UBE2E2: variants seen among roughly 807,000 people sequenced by gnomAD.
The protein encoded by UBE2E2 is ubiquitin-conjugating enzyme E2 E2.
Under a neutral mutation model 24.7 loss-of-function variants are expected in UBE2E2, and 6 were observed. The observed-to-expected ratio is 0.24, with a 90% CI of 0.13 to 0.48. UBE2E2 has a LOEUF of 0.48. UBE2E2 is among the 20% of genes least tolerant of loss of function. The pLI is 0.99. For synonymous variants in UBE2E2, 104 were observed against 83.6 expected (o/e 1.24, Z -1.33); for missense variants, 169 against 245.0 (o/e 0.69, Z 2.07).
intron 3 of UBE2E2, among the ~76,000 whole-genome samples, chr3:23,263,887 T>G (rs183247030): frequency 6.6e-6 from 1 of 152,180 alleles, no homozygotes; most frequent in Admixed American, 6.5e-5. Context: ...TATCTTAGAA[T>G]AGATAAAAGC....
intron 3 of UBE2E2, among the ~76,000 whole-genome samples, chr3:23,281,503 G>A (rs906975419): frequency 4.6e-5 from 7 of 152,154 alleles, no homozygotes; most frequent in Non-Finnish European, 1.0e-4. Flanking sequence ...TGGGCCCAGT[G>A]GCATGTGCCT....
rs77300242 is a variant in UBE2E2, at chr3:23,210,001, T to A, written c.176+1126T>A. Among the ~76,000 whole-genome samples, 519 of 152,148 alleles carry A rather than the reference T, an allele frequency of 3.4e-3. 3 individuals are homozygous for A. The highest frequency in any genetic ancestry group is 0.011 in the African/African-American group (444 of 41,492). ...GGGTGGGGAAGAGGGTTCAGTTTGT[T>A]TTGCCATCACAACACAATTACCGGG... On this transcript the variant is annotated intron_variant, in intron 2 of 5. Coordinates refer to ENST00000396703, the MANE Select transcript of UBE2E2 (RefSeq NM_152653.4).
chr3:23,589,657 C>G lies in UBE2E2; in HGVS notation c.509-77C>G, dbSNP rs1439393122. The G allele has an allele frequency of 3.3e-6, 5 of 1,502,992 alleles. No individual in the cohort carries two copies. Among genetic ancestry groups the G allele is most frequent in the Non-Finnish European group, 4.6e-6 (5 of 1,086,006 alleles). 93.1% of individuals were successfully genotyped at this position (1,502,992 alleles called of 1,614,324 possible). ...CAGCTTCTCATCTCCTACCCTCCCA[C>G]TCCTTGCCAGCTTTCTGAACACTTC... is the stretch of plus-strand genomic sequence containing the variant. On this transcript the variant is annotated intron_variant, in intron 5 of 5. Transcript: ENST00000396703. The surrounding 1 kb of genome is among the most constrained non-coding windows in gnomAD (Gnocchi z 4.1).
At chr3:23,246,008 AGTT>A (rs1664864385) in intron 3 of UBE2E2, among the ~76,000 whole-genome samples, 1 of 152,138 alleles carries the variant, frequency 6.6e-6, no homozygotes, top group Non-Finnish European at 1.5e-5. Context: ...GCTACCCATA[AGTT>A]GTTGAAAATA....
intron 1 of UBE2E2, chr3:23,204,604 G>A (rs1438950532): frequency 7.1e-6 from 6 of 842,592 alleles, no homozygotes; most frequent in East Asian, 1.2e-4. Context: ...ATGCTCCTTG[G>A]CTCTTTGGAA....
chr3:23,546,193 A>G (rs1227764368), intron 5 of UBE2E2, among the ~76,000 whole-genome samples: 3 of 152,188 alleles, frequency 2.0e-5, no homozygotes, highest in Non-Finnish European at 2.9e-5. Flanking sequence ...TTTTCAAAGA[A>G]CTTGATCTGA....
chr3:23,226,234 G>A (rs987431097), intron 3 of UBE2E2, among the ~76,000 whole-genome samples: 3 of 150,392 alleles, frequency 2.0e-5, no homozygotes, highest in African/African-American at 7.3e-5. Flanking sequence ...GAAAGTGTGT[G>A]TGGGGGTTAT....
intron 3 of UBE2E2, among the ~76,000 whole-genome samples, chr3:23,410,607 G>A (rs139910776): frequency 8.1e-4 from 124 of 152,150 alleles, no homozygotes; most frequent in African/African-American, 2.8e-3. Context: ...TTTTATTCCC[G>A]AAATAACCCT....
chr3:23,275,297 G>T (rs945368044), intron 3 of UBE2E2, among the ~76,000 whole-genome samples: 2 of 152,212 alleles, frequency 1.3e-5, no homozygotes, highest in South Asian at 2.1e-4. Context: ...GAGTAGCCAA[G>T]GTAAAAGGAC....
chr3:23,585,791 A>G (rs1434338573), intron 5 of UBE2E2, among the ~76,000 whole-genome samples: 2 of 152,036 alleles, frequency 1.3e-5, no homozygotes, highest in Non-Finnish European at 2.9e-5. Context: ...ATGATGGGAA[A>G]TATTTTCTTC....
chr3:23,279,847 A>G (rs536143164), intron 3 of UBE2E2, among the ~76,000 whole-genome samples: 1 of 152,314 alleles, frequency 6.6e-6, no homozygotes, highest in South Asian at 2.1e-4. Context: ...ATAGTAGTTA[A>G]CAGTGTAGGC....
At chr3:23,419,061 C>G (rs1324316376) in intron 3 of UBE2E2, among the ~76,000 whole-genome samples, 3 of 151,970 alleles carry the variant, frequency 2.0e-5, no homozygotes, top group Non-Finnish European at 4.4e-5. Context: ...CCAAGGGAAC[C>G]TCCTGCTTCA....
chr3:23,286,253 C>A (rs1450541138), intron 3 of UBE2E2, among the ~76,000 whole-genome samples: 1 of 152,084 alleles, frequency 6.6e-6, no homozygotes, highest in African/African-American at 2.4e-5. Context: ...TTTGCTCAGT[C>A]CAGTGTCCTG....
intron 3 of UBE2E2, among the ~76,000 whole-genome samples, chr3:23,398,392 G>T (rs1697132496): frequency 6.6e-6 from 1 of 150,990 alleles, no homozygotes; most frequent in African/African-American, 2.4e-5. Context: ...ACTATGTTTT[G>T]GAATGTCTAA....
chr3:23,208,399 TCATC>T (rs1355823594), intron 1 of UBE2E2, among the ~76,000 whole-genome samples: 9 of 152,222 alleles, frequency 5.9e-5, no homozygotes, highest in Non-Finnish European at 1.2e-4. Context: ...TATATTTTGT[TCATC>T]CATTCATTTG....
chr3:23,310,421 A>C (rs1313209045), intron 3 of UBE2E2, among the ~76,000 whole-genome samples: 1 of 151,874 alleles, frequency 6.6e-6, no homozygotes. Context: ...CAAACCTTCT[A>C]ATTTCTTGTT....
At chr3:23,511,748 T>G (rs1694598555) in intron 4 of UBE2E2, among the ~76,000 whole-genome samples, 1 of 152,240 alleles carries the variant, frequency 6.6e-6, no homozygotes, top group East Asian at 1.9e-4. Context: ...GGAAAGTTAT[T>G]TTCCATATAG....
At chr3:23,549,141 A>T (rs1481806498) in intron 5 of UBE2E2, among the ~76,000 whole-genome samples, 1 of 152,266 alleles carries the variant, frequency 6.6e-6, no homozygotes, top group African/African-American at 2.4e-5. Context: ...CTGCCAAAGC[A>T]GTATCATGCA....
intron 3 of UBE2E2, among the ~76,000 whole-genome samples, chr3:23,246,192 A>C: frequency 6.8e-6 from 1 of 147,710 alleles, no homozygotes; most frequent in Non-Finnish European, 1.5e-5. Flanking sequence ...AGTAGTTGGG[A>C]CTACAGGTGT....
Sources: gnomAD v4.1 joint callset for allele counts (sites outside exome capture counted in the v4.1 genomes callset) on GRCh38, gnomAD v4.1.1 for gene constraint, Gnocchi (gnomAD v3.1) non-coding constraint, MANE v1.5 for transcripts, NCBI Gene and HGNC (gene_info 2026-07-23, HGNC 2026-07-21) for gene names.